The following SCAF4 variants were observed in gnomAD, a reference collection of about 807,000 sequenced individuals.
SCAF4 encodes the protein SR-related CTD associated factor 4, also known as SR-related and CTD-associated factor 4.
Under a neutral mutation model 129.8 loss-of-function variants are expected in SCAF4, and 25 were observed. That is an observed-to-expected ratio of 0.19 (90% CI 0.14 to 0.27). The LOEUF is 0.27. Among genes scored for constraint, SCAF4 ranks in the 10% least tolerant of loss-of-function variants. SCAF4 has a pLI of 1.00. For synonymous variants in SCAF4, 551 were observed against 497.7 expected (o/e 1.11, Z -1.43); for missense variants, 1,246 against 1,457.1 (o/e 0.86, Z 2.36).
chr21:31,676,662 T>C (rs2049863417), intron 19 of SCAF4, among the ~76,000 whole-genome samples: 1 of 152,226 alleles, frequency 6.6e-6, no homozygotes, highest in African/African-American at 2.4e-5. Flanking sequence ...CTTCATCCTG[T>C]CTACTCTTAG....
chr21:31,677,132 A>G (rs899214929), intron 19 of SCAF4, among the ~76,000 whole-genome samples: 11 of 151,898 alleles, frequency 7.2e-5, no homozygotes, highest in African/African-American at 2.7e-4. Context: ...TTTTTCATCC[A>G]CCCACATGCC....
intron 1 of SCAF4, among the ~76,000 whole-genome samples, chr21:31,717,832 T>TACAC (rs1279693223): frequency 2.8e-4 from 25 of 90,084 alleles, no homozygotes; most frequent in African/African-American, 9.0e-4. Context: ...CTGCCATATA[T>TACAC]ATATATATAT....
intron 7 of SCAF4, chr21:31,700,705 G>A (rs2050504345): frequency 2.5e-6 from 1 of 399,848 alleles, no homozygotes; most frequent in Non-Finnish European, 4.6e-6. Flanking sequence ...TGGGGTTAAT[G>A]AAGAATTTTC....
At chr21:31,728,765 T>C (rs528698998) in intron 1 of SCAF4, among the ~76,000 whole-genome samples, 1 of 152,262 alleles carries the variant, frequency 6.6e-6, no homozygotes, top group South Asian at 2.1e-4. Flanking sequence ...CCTCTATCTC[T>C]TAGTTGCTTC....
intron 1 of SCAF4, among the ~76,000 whole-genome samples, chr21:31,716,539 T>C (rs1207903993): frequency 6.6e-6 from 1 of 152,148 alleles, no homozygotes; most frequent in Non-Finnish European, 1.5e-5. Context: ...AACACAACTT[T>C]TATGTTTATT....
chr21:31,704,805 A>G (rs2050617037), intron 3 of SCAF4, among the ~76,000 whole-genome samples: 1 of 152,156 alleles, frequency 6.6e-6, no homozygotes, highest in African/African-American at 2.4e-5. Flanking sequence ...CTACTATGCA[A>G]AGCGTTTACT....
rs1373389309 is a variant in SCAF4 at position 31,685,346 on chromosome 21, C to T, written c.2296+52G>A. On this transcript the variant is annotated intron_variant, in intron 18 of 19. Coordinates refer to ENST00000286835, the MANE Select transcript of SCAF4 (RefSeq NM_020706.2). ...TCCTATTACCGCTTCACTCTCCCTCCTACACCCAGCTCCAAGAGGATAAGC... is the reference window on the plus strand; with the variant it reads ...TCCTATTACCGCTTCACTCTCCCTCTTACACCCAGCTCCAAGAGGATAAGC... 4 of 1,543,588 alleles carry T rather than the reference C, an allele frequency of 2.6e-6. No individual in the cohort carries two copies. The African/African-American group carries it at 5.5e-5, about 21-fold the overall frequency.
chr21:31,721,804 G>A lies in SCAF4; in HGVS notation c.30+9859C>T, dbSNP rs369855120. On this transcript the variant is annotated intron_variant, in intron 1 of 19. Transcript: ENST00000286835. ...TGCACAGGCACAATCTCGGCTCCTC[G>A]CAACCTCCACCTCCCAGGTTCAAGT... 1.8e-4 allele frequency among the ~76,000 whole-genome samples: 26 copies of A among 143,776 alleles called. 1 individual carries two copies. In the East Asian group the frequency reaches 4.9e-3, roughly 27 times the overall value. 94.3% of individuals were successfully genotyped at this position (143,776 alleles called of 152,430 possible).
At chr21:31,690,695 T>C in intron 15 of SCAF4, 102 bp downstream of exon 15, 3 of 1,055,274 alleles carry the variant, frequency 2.8e-6, no homozygotes, top group African/African-American at 1.6e-5. Flanking sequence ...TCCTAAAAAA[T>C]CTCAAAAATC....
Position 31,690,771 on chromosome 21 carries a change from G to T in SCAF4, c.1885+26C>A, listed in dbSNP as rs534537380. 4.3e-5 allele frequency: 69 copies of T among 1,598,962 alleles called. No homozygotes were observed. In the South Asian group the frequency reaches 7.6e-4, roughly 18 times the overall value. ...GTACTACCAAGCAAATAAGTGAACT[G>T]TAAGAGAAATTAAATACTGCTTTAC... On this transcript the variant is annotated intron_variant, in intron 15 of 19. Coordinates refer to ENST00000286835, the MANE Select transcript of SCAF4 (RefSeq NM_020706.2).
intron 1 of SCAF4, among the ~76,000 whole-genome samples, chr21:31,722,879 G>A (rs907146108): frequency 3.3e-5 from 5 of 152,208 alleles, no homozygotes; most frequent in African/African-American, 7.2e-5. Flanking sequence ...CTTGAACCCA[G>A]GAGGCGGAGG....
At chr21:31,691,610 C>A (rs1303608090) in intron 14 of SCAF4, among the ~76,000 whole-genome samples, 1 of 150,996 alleles carries the variant, frequency 6.6e-6, no homozygotes. Flanking sequence ...ACAAATTCTA[C>A]CATGCACGTA....
chr21:31,694,413 G>A, intron 10 of SCAF4, 124 bp from the exon 11 acceptor site: 1 of 594,852 alleles, frequency 1.7e-6, no homozygotes, highest in Middle Eastern at 4.7e-4. Flanking sequence ...GGTTGCCTGG[G>A]ACCAAATTAC....
At chr21:31,690,144 G>A (rs1230889544) in intron 15 of SCAF4, among the ~76,000 whole-genome samples, 1 of 151,974 alleles carries the variant, frequency 6.6e-6, no homozygotes, top group African/African-American at 2.4e-5. Flanking sequence ...TTGCTTCTCT[G>A]GACATCTAAA....
At chr21:31,730,591 C>T (rs1220047033) in intron 1 of SCAF4, among the ~76,000 whole-genome samples, 2 of 152,180 alleles carry the variant, frequency 1.3e-5, no homozygotes, top group African/African-American at 4.8e-5. Context: ...ACATCTCGAA[C>T]TACAACATTT....
intron 1 of SCAF4, among the ~76,000 whole-genome samples, chr21:31,714,353 C>G (rs2050875795): frequency 6.6e-6 from 1 of 152,112 alleles, no homozygotes; most frequent in Non-Finnish European, 1.5e-5. Context: ...ATAAAAATAA[C>G]AACAGCCCCT....
chr21:31,694,605 CTA>C (rs1189276547), intron 10 of SCAF4, among the ~76,000 whole-genome samples: 2 of 152,194 alleles, frequency 1.3e-5, no homozygotes, highest in African/African-American at 4.8e-5. Flanking sequence ...CTTCAACACT[CTA>C]TATCAAACCT....
Position 31,693,457 on chromosome 21 carries a change from A to G in SCAF4, c.1350T>C (p.Ser450=). Residue 450 remains serine (S), a synonymous_variant, in exon 12 of 20, where the codon TCT becomes TCC. Coordinates refer to ENST00000286835, the MANE Select transcript of SCAF4 (RefSeq NM_020706.2). The part of the protein sequence containing the change: ...SRSPKRRRSR[S]GSRSRRSRHR... ...GCCGAGACCTTCGAGATCTAGAACC[A>G]GATCTAGATCGCCTCCTTTTTGGTG... The G allele has an allele frequency of 6.6e-7, 1 of 1,514,420 alleles. No individual in the cohort carries two copies. The highest frequency in any genetic ancestry group is 1.8e-5 in the Admixed American group (1 of 55,200). The allele number at this position is 1,514,420 out of a possible 1,614,324, so 93.8% of individuals were successfully genotyped here.
At chr21:31,700,273 T>A (rs554287402) in intron 7 of SCAF4, among the ~76,000 whole-genome samples, 1 of 151,134 alleles carries the variant, frequency 6.6e-6, no homozygotes, top group South Asian at 2.1e-4. Context: ...CACATATATA[T>A]TAAAAATAAA....
Sources: allele counts gnomAD v4.1 joint callset (sites outside exome capture counted in the v4.1 genomes callset), GRCh38; gene constraint gnomAD v4.1.1; transcripts MANE v1.5; gene names NCBI Gene and HGNC (gene_info 2026-07-23, HGNC 2026-07-21).